Variants in SFMBT2 observed in about 807,000 individuals in gnomAD.
SFMBT2 encodes the protein scm-like with four MBT domains protein 2.
SFMBT2 carries 38 observed loss-of-function variants against 110.1 expected under a neutral mutation model. That is an observed-to-expected ratio of 0.35 (90% CI 0.27 to 0.45). SFMBT2 has a LOEUF of 0.45. Among genes scored for constraint, SFMBT2 ranks in the 20% least tolerant of loss-of-function variants. The pLI is 1.00. For synonymous variants in SFMBT2, 425 were observed against 425.4 expected, an observed-to-expected ratio of 1.00 and a Z score of 0.01; for missense variants, 1,011 against 1,094.9, an observed-to-expected ratio of 0.92 and a Z score of 1.08.
At chr10:7,208,978 T>C (rs1300644853) in intron 11 of SFMBT2, among the ~76,000 whole-genome samples, 1 of 152,122 alleles carries the variant, frequency 6.6e-6, no homozygotes. Context: ...CCCAAATATA[T>C]CCCATTAAGG....
At chr10:7,385,703 G>C (rs976527311) in intron 1 of SFMBT2, among the ~76,000 whole-genome samples, 1 of 152,124 alleles carries the variant, frequency 6.6e-6, no homozygotes, top group African/African-American at 2.4e-5. Flanking sequence ...ATTCCAGTAC[G>C]AAAGCCCCTC....
intron 4 of SFMBT2, among the ~76,000 whole-genome samples, chr10:7,288,853 A>ACC (rs55956728): frequency 3.5e-4 from 48 of 138,020 alleles, no homozygotes; most frequent in South Asian, 1.3e-3. Flanking sequence ...ATATGGTGAA[A>ACC]CCCCCCCCCC....
intron 4 of SFMBT2, among the ~76,000 whole-genome samples, chr10:7,346,003 T>A (rs189398192): frequency 1.6e-4 from 25 of 152,188 alleles, no homozygotes; most frequent in Non-Finnish European, 3.4e-4. Context: ...GTTGCTACCA[T>A]GTGTAGGACA....
chr10:7,243,324 G>A (rs1178568719), intron 9 of SFMBT2, among the ~76,000 whole-genome samples: 4 of 152,190 alleles, frequency 2.6e-5, no homozygotes, highest in Non-Finnish European at 4.4e-5. Flanking sequence ...CAATAATGCG[G>A]TAACGGATGG....
At chr10:7,368,898 G>A (rs994466127) in intron 3 of SFMBT2, among the ~76,000 whole-genome samples, 2 of 152,100 alleles carry the variant, frequency 1.3e-5, no homozygotes, top group Non-Finnish European at 2.9e-5. Context: ...TAATAAACTA[G>A]TAAATATAGC....
chr10:7,179,150 G>A (rs1169031442), intron 16 of SFMBT2, among the ~76,000 whole-genome samples: 1 of 151,926 alleles, frequency 6.6e-6, no homozygotes, highest in Non-Finnish European at 1.5e-5. Flanking sequence ...CCCAGCCCCT[G>A]GGTGTTTGTT....
At chr10:7,401,725 G>A (rs1846088714) in intron 1 of SFMBT2, among the ~76,000 whole-genome samples, 1 of 152,130 alleles carries the variant, frequency 6.6e-6, no homozygotes, top group South Asian at 2.1e-4. Context: ...TCTGTGCTTA[G>A]GAAGGTGAAC....
intron 4 of SFMBT2, among the ~76,000 whole-genome samples, chr10:7,354,719 T>G (rs1246798329): frequency 6.6e-6 from 1 of 152,246 alleles, no homozygotes; most frequent in East Asian, 1.9e-4. Flanking sequence ...GTTTAAGATT[T>G]ACAAGTTATT....
chr10:7,172,362 G>T lies in SFMBT2; in HGVS notation c.2151+133C>A. The T allele has an allele frequency of 1.3e-6, 2 of 1,507,718 alleles. No individual in the cohort carries two copies. The highest frequency in any genetic ancestry group is 4.8e-5 in the East Asian group (2 of 41,916). The allele number at this position is 1,507,718 out of a possible 1,614,324, so 93.4% of individuals were successfully genotyped here. A position where few individuals can be genotyped will look rare whatever the true frequency, so the allele number is the denominator to read the frequency against. ...TTTGTTTTCAGCAAGTAAGGAGGAG[G>T]GGGCTCTTCTTCAGTGTTTCTGACC... On this transcript the variant is annotated intron_variant, in intron 18 of 20. Transcript: ENST00000397167. The surrounding 1 kb of genome is among the most constrained non-coding windows in gnomAD (Gnocchi z 4.6).
intron 6 of SFMBT2, among the ~76,000 whole-genome samples, chr10:7,281,570 CT>C (rs1323079264): frequency 6.6e-6 from 1 of 152,184 alleles, no homozygotes; most frequent in Admixed American, 6.5e-5. Flanking sequence ...CACCGTGGGA[CT>C]TGAAATCAAT....
intron 9 of SFMBT2, 73 bp downstream of exon 9, chr10:7,243,485 C>G: frequency 1.2e-6 from 1 of 834,056 alleles, no homozygotes; most frequent in Non-Finnish European, 2.1e-6. Context: ...CAGATTAATG[C>G]AGGTGTTACT....
chr10:7,391,692 G>C (rs1005561555), intron 1 of SFMBT2, among the ~76,000 whole-genome samples: 2 of 152,064 alleles, frequency 1.3e-5, no homozygotes, highest in Non-Finnish European at 1.5e-5. Flanking sequence ...AAATTATAAA[G>C]AAAGAAATTA....
At chr10:7,267,309 T>G (rs1274926859) in intron 7 of SFMBT2, among the ~76,000 whole-genome samples, 2 of 152,192 alleles carry the variant, frequency 1.3e-5, no homozygotes, top group African/African-American at 4.8e-5. Context: ...TAACCATGAG[T>G]GTAATGACTT....
intron 7 of SFMBT2, among the ~76,000 whole-genome samples, chr10:7,257,414 G>A (rs1841052611): frequency 1.3e-5 from 2 of 152,298 alleles, no homozygotes; most frequent in South Asian, 2.1e-4. Context: ...TGATTCAGGA[G>A]GAGTGAACCA....
intron 7 of SFMBT2, among the ~76,000 whole-genome samples, chr10:7,250,483 G>A (rs1168871630): frequency 2.6e-5 from 4 of 152,090 alleles, no homozygotes; most frequent in South Asian, 4.1e-4. Context: ...TTATCCAGTC[G>A]ATCACTGATG....
chr10:7,228,711 C>CTT (rs1332821271), intron 9 of SFMBT2, among the ~76,000 whole-genome samples: 1 of 134,372 alleles, frequency 7.4e-6, no homozygotes, highest in African/African-American at 2.9e-5. Context: ...TTCTTTCTTT[C>CTT]TTTCTTTCTT....
chr10:7,260,688 G>A (rs1431219342), intron 7 of SFMBT2, among the ~76,000 whole-genome samples: 1 of 152,116 alleles, frequency 6.6e-6, no homozygotes, highest in Non-Finnish European at 1.5e-5. Context: ...TACACAGGCG[G>A]CATCTACCAC....
chr10:7,350,454 G>A (rs1844275484), intron 4 of SFMBT2, among the ~76,000 whole-genome samples: 1 of 152,208 alleles, frequency 6.6e-6, no homozygotes, highest in African/African-American at 2.4e-5. Flanking sequence ...ACCCATGACG[G>A]CTCCAGCTTC....
intron 4 of SFMBT2, among the ~76,000 whole-genome samples, chr10:7,300,263 G>A (rs548257459): frequency 6.6e-6 from 1 of 150,812 alleles, no homozygotes; most frequent in East Asian, 1.9e-4. Context: ...TAACAAACCT[G>A]CACGTTCTGC....
Sources: allele counts gnomAD v4.1 joint callset (sites outside exome capture counted in the v4.1 genomes callset), GRCh38; gene constraint gnomAD v4.1.1; non-coding constraint Gnocchi (gnomAD v3.1); transcripts MANE v1.5; gene names NCBI Gene and HGNC (gene_info 2026-07-23, HGNC 2026-07-21).